The following ADRA1B variants were observed in gnomAD, a reference collection of about 807,000 sequenced individuals.
The protein encoded by ADRA1B is adrenoceptor alpha 1B, also known as alpha-1B adrenergic receptor.
Under a neutral mutation model 17.9 loss-of-function variants are expected in ADRA1B, and 17 were observed. The ratio of observed to expected loss-of-function variants is 0.95; its 90% CI spans 0.65 to 1.42. The LOEUF is 1.42. Among genes scored for constraint, ADRA1B ranks in the 40% most tolerant of loss-of-function variants. The pLI, the probability that ADRA1B is intolerant of heterozygous loss-of-function variation, is 0.00. For missense variants in ADRA1B, 681 were observed against 722.1 expected (o/e 0.94, Z 0.65); for synonymous variants, 366 against 327.6 (o/e 1.12, Z -1.27).
upstream of ADRA1B, among the ~76,000 whole-genome samples, chr5:159,912,939 A>T (rs1754242773): frequency 6.6e-6 from 1 of 152,214 alleles, no homozygotes; most frequent in South Asian, 2.1e-4. Flanking sequence ...CACGGTACTT[A>T]GCATGGTGCT....
chr5:159,930,724 C>T (rs989088331), intron 1 of ADRA1B, among the ~76,000 whole-genome samples: 3 of 151,968 alleles, frequency 2.0e-5, no homozygotes, highest in Non-Finnish European at 4.4e-5. Context: ...GTTTAGTTAC[C>T]TCAAGGGATA....
At chr5:159,954,957 C>G (rs1755523945) in intron 1 of ADRA1B, among the ~76,000 whole-genome samples, 1 of 152,150 alleles carries the variant, frequency 6.6e-6, no homozygotes, top group Non-Finnish European at 1.5e-5. Flanking sequence ...ACTTTGAGGG[C>G]TGGAATTTCG....
In ADRA1B at chr5:159,874,421, T is replaced by G. The variant is rs572802633; in HGVS notation, c.-256+9215T>G. On this transcript the variant is annotated intron_variant, in intron 1 of 2. Coordinates refer to the ADRA1B transcript ENST00000641205. ...GCTGTGGGTGGCCTCCTTCACAATTTTCTTCCCTGCCAACTAATTCCTGAC... is the reference window on the plus strand; with the variant it reads ...GCTGTGGGTGGCCTCCTTCACAATTGTCTTCCCTGCCAACTAATTCCTGAC... Among the ~76,000 whole-genome samples, 6 of 152,356 alleles carry G rather than the reference T, an allele frequency of 3.9e-5. No homozygotes were observed. The South Asian group carries it at 1.0e-3, about 26-fold the overall frequency.
downstream of ADRA1B, among the ~76,000 whole-genome samples, chr5:159,977,603 G>A (rs1051971431): frequency 6.6e-6 from 1 of 152,198 alleles, no homozygotes; most frequent in Non-Finnish European, 1.5e-5. Context: ...TGAAAGTTAA[G>A]AGCCAAGAAT....
intron 1 of ADRA1B, chr5:159,870,516 G>A (rs1305576355): frequency 6.6e-6 from 1 of 152,138 alleles, no homozygotes; most frequent in African/African-American, 2.4e-5. Flanking sequence ...AAGATATGTA[G>A]CCCCCAATGT....
At chr5:159,935,791 C>T (rs1427958505) in intron 1 of ADRA1B, among the ~76,000 whole-genome samples, 2 of 152,238 alleles carry the variant, frequency 1.3e-5, no homozygotes, top group African/African-American at 2.4e-5. Context: ...AAGTGATCCG[C>T]TCGCCTCAGC....
At position 159,881,319 on chromosome 5, in the gene ADRA1B, CT is replaced by C. The variant is rs1561581427; in HGVS notation, c.-256+16114del. 5.3e-5 allele frequency among the ~76,000 whole-genome samples: 8 copies of C among 151,544 alleles called. No homozygotes were observed. In the South Asian group the frequency reaches 1.5e-3, roughly 28 times the overall value. ...GAAAGTTCTCTCTCTCTCTCTCTCTCTCTCTCTCTCTCTCTCTCTCTCTCTC... is the reference window on the plus strand; with the variant it reads ...GAAAGTTCTCTCTCTCTCTCTCTCTCCTCTCTCTCTCTCTCTCTCTCTCTC... On this transcript the variant is annotated intron_variant, in intron 1 of 2. Coordinates refer to the ADRA1B transcript ENST00000641205.
chr5:159,869,087 C>T (rs956108230), intron 1 of ADRA1B: 1 of 152,170 alleles, frequency 6.6e-6, no homozygotes, highest in African/African-American at 2.4e-5. Flanking sequence ...AAATCGGGCA[C>T]ACATACATAT....
At chr5:159,926,990 A>G (rs1754673015) in intron 1 of ADRA1B, among the ~76,000 whole-genome samples, 1 of 152,196 alleles carries the variant, frequency 6.6e-6, no homozygotes, top group Admixed American at 6.5e-5. Context: ...CAAGTTCATT[A>G]AAAAGAGACT....
intron 1 of ADRA1B, chr5:159,929,060 A>T (rs1581041895): frequency 6.6e-6 from 1 of 152,094 alleles, no homozygotes; most frequent in African/African-American, 2.4e-5. Context: ...CCTTGGCTCC[A>T]TTGTTTCGCG....
intron 1 of ADRA1B, among the ~76,000 whole-genome samples, chr5:159,882,625 C>T (rs752989955): frequency 1.4e-4 from 21 of 152,166 alleles, no homozygotes; most frequent in Non-Finnish European, 2.9e-4. Flanking sequence ...TGCAGCAAAG[C>T]GTCAGGCATT....
At chr5:159,879,860 G>A (rs1038171299) in intron 1 of ADRA1B, among the ~76,000 whole-genome samples, 2 of 152,116 alleles carry the variant, frequency 1.3e-5, no homozygotes, top group African/African-American at 2.4e-5. Context: ...GCTGGGCGTG[G>A]TGGCGGGCGC....
At chr5:159,925,787 G>A (rs1234985986) in intron 1 of ADRA1B, among the ~76,000 whole-genome samples, 1 of 152,190 alleles carries the variant, frequency 6.6e-6, no homozygotes, top group Non-Finnish European at 1.5e-5. Context: ...CATGGCCCCT[G>A]TATTACCACC....
chr5:159,928,856 A>G (rs972168109), intron 1 of ADRA1B, among the ~76,000 whole-genome samples: 1 of 152,136 alleles, frequency 6.6e-6, no homozygotes, highest in Non-Finnish European at 1.5e-5. Flanking sequence ...CTGGTTGGGG[A>G]GGAGGAGGAT....
At chr5:159,971,443 C>T (rs2113298341) in intron 1 of ADRA1B, among the ~76,000 whole-genome samples, 1 of 152,300 alleles carries the variant, frequency 6.6e-6, no homozygotes, top group Non-Finnish European at 1.5e-5. Flanking sequence ...AATACACCTT[C>T]TGTTTTCCAC....
intron 1 of ADRA1B, among the ~76,000 whole-genome samples, chr5:159,938,830 T>C (rs1755026424): frequency 6.6e-6 from 1 of 152,238 alleles, no homozygotes; most frequent in African/African-American, 2.4e-5. Flanking sequence ...AAGAAGACTC[T>C]TAAGTCCTCA....
At chr5:159,882,906 C>T (rs1753877397) in intron 1 of ADRA1B, among the ~76,000 whole-genome samples, 1 of 152,150 alleles carries the variant, frequency 6.6e-6, no homozygotes, top group African/African-American at 2.4e-5. Flanking sequence ...GCTCTCCAAA[C>T]TGACAATATC....
intron 1 of ADRA1B, among the ~76,000 whole-genome samples, chr5:159,923,996 G>A (rs1253207083): frequency 6.6e-6 from 1 of 152,228 alleles, no homozygotes; most frequent in Non-Finnish European, 1.5e-5. Context: ...GTTAGTAAAT[G>A]GTAGAGTCTA....
At position 159,971,979 on chromosome 5, in the gene ADRA1B, C is replaced by T; in HGVS notation, c.1050C>T (p.Cys350=). The T allele has an allele frequency of 6.8e-7, 1 of 1,479,816 alleles. No individual in the cohort carries two copies. Among genetic ancestry groups the T allele is most frequent in the Non-Finnish European group, 9.0e-7 (1 of 1,108,538 alleles). 91.7% of individuals were successfully genotyped at this position (1,479,816 alleles called of 1,614,324 possible). ...NSCLNPIIYP[C]SSKEFKRAFV... is the part of the protein sequence containing the mutation. ...GCCTCAACCCCATCATCTACCCATG[C>T]TCCAGCAAGGAGTTCAAGCGCGCTT... The change falls in exon 2 of 2, where the codon TGC becomes TGT. Residue 350 remains cysteine (C), a synonymous_variant. Coordinates refer to ENST00000306675, the MANE Select transcript of ADRA1B (RefSeq NM_000679.4).
Sources: allele counts gnomAD v4.1 joint callset (sites outside exome capture counted in the v4.1 genomes callset), GRCh38; gene constraint gnomAD v4.1.1; transcripts MANE v1.5; gene names NCBI Gene and HGNC (gene_info 2026-07-23, HGNC 2026-07-21).